The following CASK variants were observed in gnomAD, a reference collection of about 807,000 sequenced individuals.
The protein encoded by CASK is peripheral plasma membrane protein CASK.
A neutral mutation model predicts 82.9 loss-of-function variants in CASK; 4 were observed. The observed-to-expected ratio is 0.05, with a 90% CI of 0.02 to 0.11. The LOEUF is 0.11. Among genes scored for constraint, CASK ranks in the 10% least tolerant of loss-of-function variants. The probability of loss-of-function intolerance (pLI) is 1.00; values close to 1 mark genes in which losing one functional copy is unlikely to be tolerated. For missense variants in CASK, 358 were observed against 720.9 expected (o/e 0.50, Z 5.76); for synonymous variants, 259 against 253.5 (o/e 1.02, Z -0.20).
intron 5 of CASK, among the ~76,000 whole-genome samples, chrX:41,710,824 T>C (rs2067964639): frequency 9.0e-6 from 1 of 111,552 alleles, no homozygotes; most frequent in Non-Finnish European, 1.9e-5. Flanking sequence ...TGGCCAATCG[T>C]TTAACCAATC....
chrX:41,809,419 T>C (rs2147877496), intron 2 of CASK, among the ~76,000 whole-genome samples: 1 of 112,245 alleles, frequency 8.9e-6, no homozygotes, highest in South Asian at 3.7e-4. Flanking sequence ...GGCAGCAACA[T>C]TTGCTGTTCA....
intron 2 of CASK, among the ~76,000 whole-genome samples, chrX:41,791,341 A>G (rs566242914): frequency 6.7e-5 from 7 of 104,577 alleles, no homozygotes; most frequent in African/African-American, 2.1e-4. Flanking sequence ...TGTCATTCTT[A>G]TGCCTTTGCG....
chrX:41,749,560 A>AT (rs1310525358), intron 3 of CASK, among the ~76,000 whole-genome samples: 2 of 104,388 alleles, frequency 1.9e-5, no homozygotes, highest in East Asian at 6.2e-4. Context: ...TAATTTTTGT[A>AT]TTTTTTTGTA....
At chrX:41,862,473 G>A (rs1440196294) in intron 1 of CASK, among the ~76,000 whole-genome samples, 5 of 106,075 alleles carry the variant, frequency 4.7e-5, no homozygotes, top group African/African-American at 1.7e-4. Context: ...CCCAGAAGGC[G>A]GAGGTTGCAG....
At position 41,829,630 on chromosome X, in the gene CASK, G is replaced by A. The variant is rs1280297331; in HGVS notation, c.172+23485C>T. Among the ~76,000 whole-genome samples the A allele has an allele frequency of 3.6e-5, 2 of 56,070 alleles. 1 individual carries two copies. The highest frequency in any genetic ancestry group is 6.3e-5 in the Non-Finnish European group (2 of 31,497). The allele number at this position is 56,070 out of a possible 115,157, so 48.7% of individuals were successfully genotyped here. On this transcript the variant is annotated intron_variant, in intron 2 of 26. Coordinates refer to ENST00000378163, the MANE Select transcript of CASK (RefSeq NM_001367721.1). The stretch of plus-strand genomic sequence containing the variant: ...TGTTTTTTTTTTTTTTGGGGGGGTG[G>A]GGGTGAACATATGTTAAGACATTGC...
At chrX:41,729,554 C>A (rs1204244781) in intron 5 of CASK, 2 of 116,662 alleles carry the variant, frequency 1.7e-5, no homozygotes, top group African/African-American at 6.9e-5. Flanking sequence ...CCCACCTCTA[C>A]TAAAAATACA....
chrX:41,760,522 G>T (rs963624133), intron 3 of CASK, among the ~76,000 whole-genome samples: 7 of 110,957 alleles, frequency 6.3e-5, no homozygotes, highest in Admixed American at 1.9e-4. Context: ...TTCTTCAAGG[G>T]GATTATTTTT....
At chrX:41,813,639 C>G (rs2070351020) in intron 2 of CASK, among the ~76,000 whole-genome samples, 1 of 111,590 alleles carries the variant, frequency 9.0e-6, no homozygotes, top group Non-Finnish European at 1.9e-5. Context: ...CATAAAAACC[C>G]TAGAAGAAAA....
chrX:41,619,765 A>C (rs1340533015), intron 11 of CASK, among the ~76,000 whole-genome samples: 1 of 112,046 alleles, frequency 8.9e-6, no homozygotes, highest in African/African-American at 3.2e-5. Flanking sequence ...GTATGTCTTA[A>C]AAGTTTTTCC....
At chrX:41,547,915 G>A (rs1205555528) in intron 21 of CASK, among the ~76,000 whole-genome samples, 1 of 112,354 alleles carries the variant, frequency 8.9e-6, no homozygotes, top group African/African-American at 3.2e-5. Context: ...GAGCCACCAC[G>A]CCCAGTCCCT....
chrX:41,749,376 A>ATTTTTTT lies in CASK; in HGVS notation c.279-3782_279-3776dup, dbSNP rs35045589. On this transcript the variant is annotated intron_variant, in intron 3 of 26. Coordinates refer to ENST00000378163, the MANE Select transcript of CASK (RefSeq NM_001367721.1). ...AAAAAAATCTCATTATTCTTCACCA[A>ATTTTTTT]TTTTTTTTTTTTTTTTTTTTTTTTT... 6.6e-4 allele frequency among the ~76,000 whole-genome samples: 48 copies of ATTTTTTT among 72,383 alleles called. 4 individuals carry two copies. Among genetic ancestry groups the ATTTTTTT allele is most frequent in the African/African-American group, 2.2e-3 (46 of 20,642 alleles). 62.9% of individuals were successfully genotyped at this position (72,383 alleles called of 115,157 possible). A position where few individuals can be genotyped will look rare whatever the true frequency, so the allele number is the denominator to read the frequency against.
At chrX:41,780,654 T>C (rs1317178830) in intron 3 of CASK, among the ~76,000 whole-genome samples, 4 of 111,514 alleles carry the variant, frequency 3.6e-5, no homozygotes, top group African/African-American at 1.3e-4. Context: ...TTATTATTAT[T>C]ATTTTATTTT....
intron 21 of CASK, among the ~76,000 whole-genome samples, chrX:41,549,230 C>T (rs1163473997): frequency 9.0e-6 from 1 of 111,681 alleles, no homozygotes. Context: ...ACAATTGTTT[C>T]AAATCTTTCT....
rs192864326 is a variant in CASK at position 41,878,509 on chromosome X, G to A, written c.60-25282C>T. 4.6e-5 allele frequency among the ~76,000 whole-genome samples: 5 copies of A among 109,366 alleles called. No individual in the cohort carries two copies. The East Asian group carries it at 1.4e-3, about 31-fold the overall frequency. The allele number at this position is 109,366 out of a possible 115,157, so 95.0% of individuals were successfully genotyped here. ...TTCCATAGGTTTTTGTGTATTTTTT[G>A]CAAAGCAAGCTGCCAATAAATTATT... On this transcript the variant is annotated intron_variant, in intron 1 of 26. Coordinates refer to ENST00000378163, the MANE Select transcript of CASK (RefSeq NM_001367721.1).
At chrX:41,547,914 C>T (rs1022865533) in intron 21 of CASK, among the ~76,000 whole-genome samples, 2 of 112,572 alleles carry the variant, frequency 1.8e-5, no homozygotes, top group Admixed American at 9.4e-5. Flanking sequence ...TGAGCCACCA[C>T]GCCCAGTCCC....
chrX:41,774,920 A>C, intron 3 of CASK, among the ~76,000 whole-genome samples: 1 of 112,166 alleles, frequency 8.9e-6, no homozygotes, highest in African/African-American at 3.2e-5. Context: ...TAGACTTAAA[A>C]CCATAAAAAC....
chrX:41,794,881 C>T (rs939507823), intron 2 of CASK, among the ~76,000 whole-genome samples: 2 of 112,423 alleles, frequency 1.8e-5, no homozygotes, highest in African/African-American at 6.5e-5. Flanking sequence ...TATTTATTAA[C>T]TGATAGCTGA....
chrX:41,657,903 C>A (rs2066968153), intron 8 of CASK, among the ~76,000 whole-genome samples: 1 of 111,480 alleles, frequency 9.0e-6, no homozygotes, highest in Non-Finnish European at 1.9e-5. Context: ...GTCACAAAGA[C>A]CCAGGCAGGA....
chrX:41,712,458 T>C (rs188103168), intron 5 of CASK, among the ~76,000 whole-genome samples: 2 of 112,531 alleles, frequency 1.8e-5, no homozygotes, highest in East Asian at 5.6e-4. Context: ...TGAAGTACCT[T>C]TACGATTGAA....
Sources: gnomAD v4.1 joint callset for allele counts (sites outside exome capture counted in the v4.1 genomes callset) on GRCh38, gnomAD v4.1.1 for gene constraint, MANE v1.5 for transcripts, NCBI Gene and HGNC (gene_info 2026-07-23, HGNC 2026-07-21) for gene names.